The following RMDN2 variants were observed in gnomAD, a reference collection of about 807,000 sequenced individuals.
The protein encoded by RMDN2 is regulator of microtubule dynamics 2, also known as regulator of microtubule dynamics protein 2.
Under a neutral mutation model 52.8 loss-of-function variants are expected in RMDN2, and 61 were observed. The observed-to-expected ratio is 1.16, with a 90% CI of 0.94 to 1.43. RMDN2 has a LOEUF of 1.43. Among genes scored for constraint, RMDN2 ranks in the 40% most tolerant of loss-of-function variants. The pLI is 0.00. For missense variants in RMDN2, 592 were observed against 475.3 expected, an observed-to-expected ratio of 1.25 and a Z score of -2.28; for synonymous variants, 180 against 153.1, an observed-to-expected ratio of 1.18 and a Z score of -1.30.
intron 4 of RMDN2, among the ~76,000 whole-genome samples, chr2:37,977,307 G>C (rs925698359): frequency 3.3e-5 from 5 of 151,992 alleles, no homozygotes; most frequent in African/African-American, 4.8e-5. Context: ...TTTTCTATTC[G>C]ACAAAACCGC....
chr2:37,982,284 C>T (rs1673423692), intron 5 of RMDN2, among the ~76,000 whole-genome samples: 1 of 152,196 alleles, frequency 6.6e-6, no homozygotes, highest in African/African-American at 2.4e-5. Flanking sequence ...CTGCCACCAG[C>T]AGGGGGAGCT....
At chr2:37,935,023 C>T (rs1264680969) in intron 2 of RMDN2, among the ~76,000 whole-genome samples, 1 of 152,120 alleles carries the variant, frequency 6.6e-6, no homozygotes, top group Non-Finnish European at 1.5e-5. Context: ...CAAAATTAGA[C>T]TCAGGGTTGT....
At chr2:37,935,167 G>A (rs539598506) in intron 2 of RMDN2, among the ~76,000 whole-genome samples, 2 of 152,160 alleles carry the variant, frequency 1.3e-5, no homozygotes, top group South Asian at 2.1e-4. Context: ...AAAACACCAC[G>A]AATCCACTCC....
intron 10 of RMDN2, among the ~76,000 whole-genome samples, chr2:38,044,571 C>CT (rs566479109): frequency 0.013 from 1,875 of 145,366 alleles, 22 homozygotes; most frequent in South Asian, 0.04. Context: ...TTTGGGTTTT[C>CT]TTTTTTTTTT....
intron 5 of RMDN2, among the ~76,000 whole-genome samples, chr2:37,983,698 G>A (rs1426344141): frequency 1.3e-5 from 2 of 152,152 alleles, no homozygotes; most frequent in African/African-American, 4.8e-5. Context: ...GAGAAGCAAT[G>A]GGTGAAATTT....
intron 5 of RMDN2, 129 bp downstream of exon 5, chr2:37,981,472 A>G (rs539433240): frequency 1.1e-5 from 7 of 632,152 alleles, no homozygotes; most frequent in East Asian, 1.1e-4. Flanking sequence ...AATATGTATA[A>G]TAGCACAGTA....
At chr2:37,934,030 T>C (rs1051325535) in intron 2 of RMDN2, among the ~76,000 whole-genome samples, 3 of 152,194 alleles carry the variant, frequency 2.0e-5, no homozygotes, top group African/African-American at 7.2e-5. Flanking sequence ...GGATGTGCTC[T>C]TCATACACAA....
At position 38,014,317 on chromosome 2, in the gene RMDN2, C is replaced by T. The variant is rs556801012; in HGVS notation, c.1180-2869C>T. ...ATTTGTAGAAAGTCTGTTTACAACC[C>T]GCTATTTCTACTCTTTTGACTCTTA... On this transcript the variant is annotated intron_variant, in intron 10 of 10. Coordinates refer to ENST00000354545, the MANE Select transcript of RMDN2 (RefSeq NM_001170791.3). Among the ~76,000 whole-genome samples the T allele has an allele frequency of 7.2e-5, 11 of 152,268 alleles. No homozygotes were observed. In the South Asian group the frequency reaches 8.3e-4, roughly 11 times the overall value.
chr2:37,980,306 T>G (rs963783303), intron 4 of RMDN2, among the ~76,000 whole-genome samples: 3 of 152,118 alleles, frequency 2.0e-5, no homozygotes, highest in African/African-American at 4.8e-5. Flanking sequence ...TTATTATTTT[T>G]GGTTTTTTTT....
intron 10 of RMDN2, among the ~76,000 whole-genome samples, chr2:38,052,113 G>T (rs1278773218): frequency 1.3e-5 from 2 of 152,146 alleles, no homozygotes; most frequent in Non-Finnish European, 2.9e-5. Flanking sequence ...CATAATGGCT[G>T]TACAAATTTA....
intron 10 of RMDN2, chr2:38,035,896 A>G (rs1013735906): frequency 6.6e-6 from 1 of 152,188 alleles, no homozygotes; most frequent in African/African-American, 2.4e-5. Context: ...CAGAAACTCT[A>G]CCATGGTACC....
rs188312584 is a variant in RMDN2, at chr2:37,950,872, C to G, written c.452+21143C>G. On this transcript the variant is annotated intron_variant, in intron 2 of 10. Coordinates refer to ENST00000354545, the MANE Select transcript of RMDN2 (RefSeq NM_001170791.3). ...ATATTGTGGTTTATTACCTTTAAAA[C>G]CAGTTCTATCTTTTCCTTTGGGAAT... Among the ~76,000 whole-genome samples, 87 of 152,208 alleles carry G rather than the reference C, an allele frequency of 5.7e-4. 1 individual carries two copies. The highest frequency in any genetic ancestry group is 3.4e-3 in the Middle Eastern group (1 of 294).
intron 2 of RMDN2, among the ~76,000 whole-genome samples, chr2:37,930,548 G>T (rs1301603347): frequency 6.6e-6 from 1 of 152,192 alleles, no homozygotes; most frequent in Non-Finnish European, 1.5e-5. Flanking sequence ...AAGCTGGAGG[G>T]CAGGGCGCAG....
intron 2 of RMDN2, among the ~76,000 whole-genome samples, chr2:37,960,124 T>A (rs1468556451): frequency 6.6e-6 from 1 of 152,168 alleles, no homozygotes; most frequent in African/African-American, 2.4e-5. Flanking sequence ...TTCTGTTGAT[T>A]TGGGGTGGAG....
intron 7 of RMDN2, among the ~76,000 whole-genome samples, chr2:37,995,375 A>G (rs1355302527): frequency 1.4e-5 from 2 of 141,610 alleles, no homozygotes; most frequent in Non-Finnish European, 3.2e-5. Flanking sequence ...ACACACACAC[A>G]CTCATAAATT....
intron 2 of RMDN2, among the ~76,000 whole-genome samples, chr2:37,946,324 G>T (rs1009269359): frequency 6.6e-6 from 1 of 152,154 alleles, no homozygotes; most frequent in Non-Finnish European, 1.5e-5. Context: ...AGGGTGGACT[G>T]TAGGCCATCT....
intron 10 of RMDN2, among the ~76,000 whole-genome samples, chr2:38,007,465 T>A (rs1339382846): frequency 6.6e-6 from 1 of 152,242 alleles, no homozygotes; most frequent in Non-Finnish European, 1.5e-5. Context: ...TTTATCCATG[T>A]CTTCCAGATT....
intron 10 of RMDN2, among the ~76,000 whole-genome samples, chr2:38,006,500 CTGTT>C (rs1176127796): frequency 7.9e-5 from 12 of 152,186 alleles, no homozygotes; most frequent in South Asian, 4.1e-4. Context: ...ATTTGGCTCT[CTGTT>C]TGTCTGTTAT....
downstream of RMDN2, among the ~76,000 whole-genome samples, chr2:38,020,417 TGAG>T (rs748112932): frequency 1.3e-5 from 2 of 152,186 alleles, no homozygotes; most frequent in African/African-American, 2.4e-5. Context: ...TGGCGGCACT[TGAG>T]GAGCCCTTCA....
Sources: gnomAD v4.1 joint callset for allele counts (sites outside exome capture counted in the v4.1 genomes callset) on GRCh38, gnomAD v4.1.1 for gene constraint, MANE v1.5 for transcripts, NCBI Gene and HGNC (gene_info 2026-07-23, HGNC 2026-07-21) for gene names.